The following ZNF600 variants were observed in gnomAD, a reference collection of about 807,000 sequenced individuals.
The protein encoded by ZNF600 is zinc finger protein 600.
In ZNF600, 4 loss-of-function variants were observed where a neutral mutation model predicts 7.3. That is an observed-to-expected ratio of 0.55 (90% CI 0.27 to 1.25). The LOEUF (loss-of-function observed/expected upper bound fraction) is 1.25. Ranked by LOEUF, ZNF600 falls within the 50% of genes most tolerant of loss-of-function variation. ZNF600 has a pLI of 0.12. For missense variants in ZNF600, 911 were observed against 922.1 expected (o/e 0.99, Z 0.16); for synonymous variants, 290 against 308.9 (o/e 0.94, Z 0.64).
chr19:52,808,629 CAAAAAAAAAAAAATT>C, the ZNF600 span, among the ~76,000 whole-genome samples: 3 of 122,236 alleles, frequency 2.5e-5, no homozygotes, highest in African/African-American at 9.1e-5. Context: ...AACTCCATCT[CAAAAAAAAAAAAATT>C]AAAAAAAAAA....
At chr19:52,814,098 C>T in the ZNF600 span, among the ~76,000 whole-genome samples, 2 of 146,462 alleles carry the variant, frequency 1.4e-5, no homozygotes, top group African/African-American at 5.3e-5. Flanking sequence ...CAGAAATACA[C>T]GTGTACAAGA....
the ZNF600 span, among the ~76,000 whole-genome samples, chr19:52,817,462 G>A: frequency 6.6e-6 from 1 of 152,148 alleles, no homozygotes; most frequent in East Asian, 1.9e-4. Flanking sequence ...TTTGGAGTCA[G>A]AAACACAGGA....
At chr19:52,810,680 G>A in the ZNF600 span, 1 of 883,330 alleles carries the variant, frequency 1.1e-6, no homozygotes, top group East Asian at 2.4e-5. Context: ...GGCCGGGCTA[G>A]AGCGACATCA....
intron 3 of ZNF600, among the ~76,000 whole-genome samples, chr19:52,774,355 G>C: frequency 6.6e-6 from 1 of 151,736 alleles, no homozygotes; most frequent in East Asian, 2.0e-4. Context: ...CTTGAACCTG[G>C]GAGGCAGAGG....
the ZNF600 span, chr19:52,807,757 G>A: frequency 1.6e-6 from 1 of 627,678 alleles, no homozygotes. Context: ...TAACAGGCGT[G>A]AGCCACCACG....
intron 2 of ZNF600, among the ~76,000 whole-genome samples, chr19:52,777,050 C>A (rs562736207): frequency 6.6e-6 from 1 of 152,078 alleles, no homozygotes; most frequent in Non-Finnish European, 1.5e-5. Flanking sequence ...ACCACTGATG[C>A]CTATCTCCAC....
At chr19:52,786,023 T>A (rs2062760716) in intron 1 of ZNF600, among the ~76,000 whole-genome samples, 1 of 152,172 alleles carries the variant, frequency 6.6e-6, no homozygotes, top group Non-Finnish European at 1.5e-5. Flanking sequence ...TTTCTCTGTC[T>A]CTGGTTTTCT....
intron 1 of ZNF600, among the ~76,000 whole-genome samples, chr19:52,782,942 G>GA (rs71183834): frequency 0.6 from 89,680 of 150,414 alleles, 27,698 homozygotes; most frequent in Non-Finnish European, 0.67. Context: ...AGAGGAACTA[G>GA]AAAAAAAAAT....
chr19:52,804,543 G>A, the ZNF600 span, among the ~76,000 whole-genome samples: 1 of 152,082 alleles, frequency 6.6e-6, no homozygotes, highest in Admixed American at 6.6e-5. Context: ...GCTAATTTTT[G>A]CATTTTTAGT....
At chr19:52,784,343 C>G (rs1424636841) in intron 1 of ZNF600, among the ~76,000 whole-genome samples, 4 of 152,294 alleles carry the variant, frequency 2.6e-5, no homozygotes, top group South Asian at 4.1e-4. Flanking sequence ...GAGGTCGAGG[C>G]TGCAGTTAGA....
the ZNF600 span, chr19:52,798,225 CTT>C: frequency 1.2e-5 from 2 of 161,048 alleles, no homozygotes; most frequent in African/African-American, 4.8e-5. Context: ...TTCTCAAACT[CTT>C]AACCTCCAGT....
At chr19:52,772,043 T>C (rs137975135) in intron 3 of ZNF600, among the ~76,000 whole-genome samples, 6,070 of 152,320 alleles carry the variant, frequency 0.04, 376 homozygotes, top group African/African-American at 0.13. Flanking sequence ...AAAACTTATA[T>C]GAAGCCATCT....
At chr19:52,773,700 C>A (rs1480884090) in intron 3 of ZNF600, among the ~76,000 whole-genome samples, 2 of 151,932 alleles carry the variant, frequency 1.3e-5, no homozygotes, top group African/African-American at 4.8e-5. Flanking sequence ...GAAACACTGT[C>A]TCTACTGAAA....
chr19:52,817,916 G>C, the ZNF600 span: 1 of 1,609,776 alleles, frequency 6.2e-7, no homozygotes, highest in Non-Finnish European at 8.5e-7. Flanking sequence ...GAAGGAGACA[G>C]AGCAATCCAC....
At chr19:52,775,414 G>A (rs1033043874) in intron 2 of ZNF600, among the ~76,000 whole-genome samples, 13 of 151,942 alleles carry the variant, frequency 8.6e-5, no homozygotes, top group South Asian at 2.1e-4. Flanking sequence ...GCTGGGTGTC[G>A]TGGTGCAGGC....
At chr19:52,776,717 T>G (rs1275703832) in intron 2 of ZNF600, among the ~76,000 whole-genome samples, 2 of 152,180 alleles carry the variant, frequency 1.3e-5, no homozygotes, top group Admixed American at 6.5e-5. Context: ...AAAATAAAAC[T>G]TATTGCAAAT....
chr19:52,829,066 A>AT, the ZNF600 span, among the ~76,000 whole-genome samples: 1 of 152,040 alleles, frequency 6.6e-6, no homozygotes, highest in Non-Finnish European at 1.5e-5. Context: ...GGGTTTCACC[A>AT]TGCCAGCCAG....
chr19:52,832,986 G>A, the ZNF600 span, among the ~76,000 whole-genome samples: 1 of 152,004 alleles, frequency 6.6e-6, no homozygotes, highest in African/African-American at 2.4e-5. Context: ...GGGCCAGGCT[G>A]GTCTCAAACT....
the ZNF600 span, among the ~76,000 whole-genome samples, chr19:52,792,329 A>C: frequency 0.025 from 3,758 of 152,274 alleles, 155 homozygotes; most frequent in African/African-American, 0.083. Context: ...TCAAGCTGGG[A>C]ACTGCTTAGG....
Sources: allele counts gnomAD v4.1 joint callset (sites outside exome capture counted in the v4.1 genomes callset), GRCh38; gene constraint gnomAD v4.1.1; transcripts MANE v1.5; gene names NCBI Gene and HGNC (gene_info 2026-07-23, HGNC 2026-07-21).